OLIG2: variants seen among roughly 807,000 people sequenced by gnomAD.
OLIG2 encodes the protein basic domain, helix-loop-helix protein, class B, 1.
Under a neutral mutation model 13.4 loss-of-function variants are expected in OLIG2, and 12 were observed. The observed-to-expected ratio is 0.90, with a 90% CI of 0.58 to 1.46. The LOEUF (loss-of-function observed/expected upper bound fraction) is 1.46. OLIG2 is among the 40% of genes most tolerant of loss of function. The pLI, the probability that OLIG2 is intolerant of heterozygous loss-of-function variation, is 0.00. For missense variants in OLIG2, 415 were observed against 487.9 expected (o/e 0.85, Z 1.41); for synonymous variants, 250 against 233.6 (o/e 1.07, Z -0.64).
In OLIG2 at chr21:33,027,917, G is replaced by A. The variant is rs1271720899; in HGVS notation, c.*83G>A. ...GGACTGGCCTGCGCTGGGCTCGGGA[G>A]CTCTGTCGCGAGGAGGGGCGCAGGA... On this transcript the variant is annotated 3_prime_UTR_variant, in exon 2 of 2. Transcript: ENST00000382357. 3 of 1,308,458 alleles carry A rather than the reference G, an allele frequency of 2.3e-6. No homozygotes were observed. The highest frequency in any genetic ancestry group is 2.9e-6 in the Non-Finnish European group (3 of 1,022,130). 81.1% of individuals were successfully genotyped at this position (1,308,458 alleles called of 1,614,324 possible).
Position 33,027,892 on chromosome 21 carries a change from G to C in OLIG2, c.*58G>C, listed in dbSNP as rs752233835. On this transcript the variant is annotated 3_prime_UTR_variant, in exon 2 of 2. Transcript: ENST00000382357. ...GGAGCCAGGGGCCGCGGGGAAGCGA[G>C]GACTGGCCTGCGCTGGGCTCGGGAG... The C allele has an allele frequency of 1.6e-3, 2,219 of 1,345,182 alleles. 4 individuals are homozygous for C. The highest frequency in any genetic ancestry group is 1.9e-3 in the Non-Finnish European group (1,992 of 1,051,460). The allele number at this position is 1,345,182 out of a possible 1,614,324, so 83.3% of individuals were successfully genotyped here.
At position 33,027,731 on chromosome 21, in the gene OLIG2, G is replaced by A; in HGVS notation, c.869G>A (p.Gly290Asp). The A allele has an allele frequency of 7.3e-7, 1 of 1,369,364 alleles. No individual in the cohort carries two copies. The highest frequency in any genetic ancestry group is 1.5e-5 in the African/African-American group (1 of 65,344). 84.8% of individuals were successfully genotyped at this position (1,369,364 alleles called of 1,614,324 possible). A position where few individuals can be genotyped will look rare whatever the true frequency, so the allele number is the denominator to read the frequency against. Residue 290 changes from glycine to aspartate, a missense_variant, in exon 2 of 2, where the codon GGC (glycine) becomes GAC (aspartate). This residue lies in a region of OLIG2 where 243 missense variants were observed against 241.2 expected (regional missense o/e 1.01). Coordinates refer to ENST00000382357, the MANE Select transcript of OLIG2 (RefSeq NM_005806.4). Reference sequence around the variant, plus strand: ...AGCGGGGGCTTCCAGCACTGGGGCGGCATGCCCTGCCCCTGCAGCATGTGC... The same window carrying A: ...AGCGGGGGCTTCCAGCACTGGGGCGACATGCCCTGCCCCTGCAGCATGTGC... ...GASGGFQHWG[G>D]MPCPCSMCQV...
Position 33,028,599 on chromosome 21 carries a change from G to A in OLIG2, c.*765G>A, listed in dbSNP as rs77607610. 4.1e-4 allele frequency: 99 copies of A among 240,306 alleles called. No homozygotes were observed. The highest frequency in any genetic ancestry group is 2.0e-3 in the African/African-American group (91 of 44,964). 14.9% of individuals were successfully genotyped at this position (240,306 alleles called of 1,614,324 possible). On this transcript the variant is annotated 3_prime_UTR_variant, in exon 2 of 2. Coordinates refer to ENST00000382357, the MANE Select transcript of OLIG2 (RefSeq NM_005806.4). ...ATAGACATTCAGAGTAGAACCACTT[G>A]TGGATTGGAATAACCCAAAACTGCC...
In OLIG2 at chr21:33,027,840, C is replaced by T; in HGVS notation, c.*6C>T. On this transcript the variant is annotated 3_prime_UTR_variant, in exon 2 of 2. Coordinates refer to ENST00000382357, the MANE Select transcript of OLIG2 (RefSeq NM_005806.4). ...TCACCTCCGACGCCAAGTGAGCCGA[C>T]TGGCGCCGGCGCGTTCTGGCGACAG... The T allele has an allele frequency of 7.2e-7, 1 of 1,384,992 alleles. No homozygotes were observed. The highest frequency in any genetic ancestry group is 9.3e-7 in the Non-Finnish European group (1 of 1,075,918). 85.8% of individuals were successfully genotyped at this position (1,384,992 alleles called of 1,614,324 possible).
chr21:33,027,756 C>T lies in OLIG2; in HGVS notation c.894C>T (p.Cys298=). 7.1e-7 allele frequency: 1 copy of T among 1,407,936 alleles called. No individual in the cohort carries two copies. Among genetic ancestry groups the T allele is most frequent in the East Asian group, 3.1e-5 (1 of 32,666 alleles). The allele number at this position is 1,407,936 out of a possible 1,614,324, so 87.2% of individuals were successfully genotyped here. ...WGGMPCPCSM[C]QVPPPHHHVS... is the part of the protein sequence containing the mutation. ...GCATGCCCTGCCCCTGCAGCATGTG[C>T]CAGGTGCCGCCGCCGCACCACCACG... The change falls in exon 2 of 2, where the codon TGC becomes TGT. Residue 298 remains cysteine (C), a synonymous_variant. Transcript: ENST00000382357.
chr21:33,026,735 T>G lies in OLIG2; in HGVS notation c.-62-66T>G. 1 of 1,222,942 alleles carries G rather than the reference T, an allele frequency of 8.2e-7. No individual in the cohort carries two copies. The highest frequency in any genetic ancestry group is 1.1e-6 in the Non-Finnish European group (1 of 899,742). The allele number at this position is 1,222,942 out of a possible 1,614,324, so 75.8% of individuals were successfully genotyped here. On this transcript the variant is annotated intron_variant, in intron 1 of 1. Coordinates refer to ENST00000382357, the MANE Select transcript of OLIG2 (RefSeq NM_005806.4). The surrounding 1 kb of genome is among the most constrained non-coding windows in gnomAD (Gnocchi z 6.6). ...AGCAGCTTTTCTGTCTCTCACTGAC[T>G]CACTCTCTCTCTCTCTCCCTCTCTC...
Position 33,027,420 on chromosome 21 carries a change from G to T in OLIG2, c.558G>T (p.Pro186=). 6.5e-7 allele frequency: 1 copy of T among 1,542,330 alleles called. No homozygotes were observed. The highest frequency in any genetic ancestry group is 8.7e-7 in the Non-Finnish European group (1 of 1,146,014). ...GGGGCCACCACGCTGGCTTCCACCC[G>T]TCGGCCTGCGGCGGCCTGGCGCACT... ...IYGGHHAGFH[P]SACGGLAHSA... Residue 186 remains proline (P), a synonymous_variant, in exon 2 of 2, where the codon CCG becomes CCT. Coordinates refer to ENST00000382357, the MANE Select transcript of OLIG2 (RefSeq NM_005806.4).
chr21:33,028,237 G>T lies in OLIG2; in HGVS notation c.*403G>T, dbSNP rs535989852. ...CAGACTCGGCTTGGGCAGCACTTCG[G>T]GGGGGGAGGGGGTGTTATGGGAGGG... On this transcript the variant is annotated 3_prime_UTR_variant, in exon 2 of 2. Transcript: ENST00000382357. The T allele has an allele frequency of 1.5e-3, 381 of 248,880 alleles. 1 individual carries two copies. The highest frequency in any genetic ancestry group is 1.2e-3 in the African/African-American group (57 of 45,694). 15.4% of individuals were successfully genotyped at this position (248,880 alleles called of 1,614,324 possible).
chr21:33,026,447 C>A lies in OLIG2; in HGVS notation c.-62-354C>A. 4.8e-6 allele frequency: 1 copy of A among 209,770 alleles called. No individual in the cohort carries two copies. 13.0% of individuals were successfully genotyped at this position (209,770 alleles called of 1,614,324 possible). On this transcript the variant is annotated intron_variant, in intron 1 of 1. Coordinates refer to ENST00000382357, the MANE Select transcript of OLIG2 (RefSeq NM_005806.4). The surrounding 1 kb of genome is among the most constrained non-coding windows in gnomAD (Gnocchi z 6.6). ...TCCCCAAAGAAAGGCCCTCACTTCC[C>A]ACTCGTTTATTCCAGCCCGGGGGCT...
chr21:33,026,751 TCC>T lies in OLIG2; in HGVS notation c.-62-48_-62-47del. 7.0e-6 allele frequency: 9 copies of T among 1,292,872 alleles called. No homozygotes were observed. Among genetic ancestry groups the T allele is most frequent in the Admixed American group, 2.3e-5 (1 of 43,000 alleles). 80.1% of individuals were successfully genotyped at this position (1,292,872 alleles called of 1,614,324 possible). A position where few individuals can be genotyped will look rare whatever the true frequency, so the allele number is the denominator to read the frequency against. ...CTCACTGACTCACTCTCTCTCTCTC[TCC>T]CTCTCTCTCTCTCTCATTCTCTCTC... On this transcript the variant is annotated intron_variant, in intron 1 of 1. Coordinates refer to ENST00000382357, the MANE Select transcript of OLIG2 (RefSeq NM_005806.4). The surrounding 1 kb of genome is among the most constrained non-coding windows in gnomAD (Gnocchi z 6.6).
chr21:33,027,522 C>T lies in OLIG2; in HGVS notation c.660C>T (p.Pro220=). The stretch of plus-strand genomic sequence containing the variant: ...CACATCACCCCGCGGTGCACCACCC[C>T]ATCCTGCCGCCCGCCGCCGCAGCGG... ...HAAHHPAVHH[P]ILPPAAAAAA... is the part of the protein sequence containing the mutation. Residue 220 remains proline (P), a synonymous_variant, in exon 2 of 2, where the codon CCC becomes CCT. Transcript: ENST00000382357. The T allele has an allele frequency of 6.8e-7, 1 of 1,475,160 alleles. No homozygotes were observed. The allele number at this position is 1,475,160 out of a possible 1,614,324, so 91.4% of individuals were successfully genotyped here. A position where few individuals can be genotyped will look rare whatever the true frequency, so the allele number is the denominator to read the frequency against.
In OLIG2 at chr21:33,027,482, C is replaced by A; in HGVS notation, c.620C>A (p.Ala207Glu). Residue 207 changes from alanine to glutamate, a missense_variant, in exon 2 of 2, where the codon GCA (alanine) becomes GAA (glutamate). Coordinates refer to ENST00000382357, the MANE Select transcript of OLIG2 (RefSeq NM_005806.4). Reference protein sequence around the residue: ...PLPAATAHPAAAAHAAHHPAV... With the variant: ...PLPAATAHPAEAAHAAHHPAV... ...CCCGCCGCCACCGCGCACCCGGCAG[C>A]AGCAGCGCACGCCGCACATCACCCC... 1 of 1,480,508 alleles carries A rather than the reference C, an allele frequency of 6.8e-7. No individual in the cohort carries two copies. The allele number at this position is 1,480,508 out of a possible 1,614,324, so 91.7% of individuals were successfully genotyped here. A position where few individuals can be genotyped will look rare whatever the true frequency, so the allele number is the denominator to read the frequency against.
Position 33,027,868 on chromosome 21 carries a change from G to T in OLIG2, c.*34G>T, listed in dbSNP as rs764090183. The T allele has an allele frequency of 2.2e-6, 3 of 1,362,614 alleles. No homozygotes were observed. In the South Asian group the frequency reaches 5.2e-5, roughly 23 times the overall value. The allele number at this position is 1,362,614 out of a possible 1,614,324, so 84.4% of individuals were successfully genotyped here. ...GCGCCGGCGCGTTCTGGCGACAGGGGAGCCAGGGGCCGCGGGGAAGCGAGG... is the reference window on the plus strand; with the variant it reads ...GCGCCGGCGCGTTCTGGCGACAGGGTAGCCAGGGGCCGCGGGGAAGCGAGG... On this transcript the variant is annotated 3_prime_UTR_variant, in exon 2 of 2. Transcript: ENST00000382357.
At position 33,027,043 on chromosome 21, in the gene OLIG2, T is replaced by A. The variant is rs1156885590; in HGVS notation, c.181T>A (p.Ser61Thr). ...CGCCGAGCTGCGCGGCGCTATGGGC[T>A]CTGCGGGCGCGCATCCTGGGGACAA... Reference protein sequence around the residue: ...LSAELRGAMGSAGAHPGDKLG... With the variant: ...LSAELRGAMGTAGAHPGDKLG... Residue 61 changes from serine to threonine, a missense_variant, in exon 2 of 2, where the codon TCT (serine) becomes ACT (threonine). By Grantham distance (58) the Ser-to-Thr change is moderately conservative. Transcript: ENST00000382357. 1.9e-6 allele frequency: 3 copies of A among 1,611,654 alleles called. No individual in the cohort carries two copies. Among genetic ancestry groups the A allele is most frequent in the Non-Finnish European group, 2.5e-6 (3 of 1,179,052 alleles).
rs1444048186 is a variant in OLIG2 at position 33,026,947 on chromosome 21, A to T, written c.85A>T (p.Ser29Cys). Residue 29 changes from serine (S) to cysteine (C), a missense_variant, in exon 2 of 2, where the codon AGC becomes TGC. Ser to Cys is a moderately radical substitution (Grantham distance 112). Around this residue, in one of 3 missense-constraint regions of OLIG2, gnomAD observed 122 missense variants for 126.8 expected, o/e 0.96. Coordinates refer to ENST00000382357, the MANE Select transcript of OLIG2 (RefSeq NM_005806.4). This position sits in a 1 kb window ranked among gnomAD's most constrained non-coding sequence, Gnocchi z 6.6. ...DLFLPARSKG[S>C]SGSAFTGGTV... ...TTTTCTGCCGGCCCGGAGTAAGGGC[A>T]GCAGCGGCAGCGCCTTCACTGGGGG... 4.3e-6 allele frequency: 7 copies of T among 1,612,162 alleles called. No individual in the cohort carries two copies. The highest frequency in any genetic ancestry group is 5.9e-6 in the Non-Finnish European group (7 of 1,179,824).
rs1262082303 is a variant in OLIG2, at chr21:33,026,741, T to A, written c.-62-60T>A. The stretch of plus-strand genomic sequence containing the variant: ...TTTTCTGTCTCTCACTGACTCACTC[T>A]CTCTCTCTCTCCCTCTCTCTCTCTC... On this transcript the variant is annotated intron_variant, in intron 1 of 1. Coordinates refer to ENST00000382357, the MANE Select transcript of OLIG2 (RefSeq NM_005806.4). This position sits in a 1 kb window ranked among gnomAD's most constrained non-coding sequence, Gnocchi z 6.6. 2.4e-6 allele frequency: 3 copies of A among 1,271,654 alleles called. No individual in the cohort carries two copies. The highest frequency in any genetic ancestry group is 1.5e-5 in the African/African-American group (1 of 66,512). The allele number at this position is 1,271,654 out of a possible 1,614,324, so 78.8% of individuals were successfully genotyped here. A position where few individuals can be genotyped will look rare whatever the true frequency, so the allele number is the denominator to read the frequency against.
Position 33,027,573 on chromosome 21 carries a change from T to C in OLIG2, c.711T>C (p.Ala237=). ...AAAAAAAAAA[A]VSSASLPGSG... is the part of the protein sequence containing the mutation. ...CTGCTGCCGCCGCTGCAGCCGCGGC[T>C]GTGTCCAGCGCCTCTCTGCCCGGAT... The change falls in exon 2 of 2, where the codon GCT becomes GCC. Residue 237 remains alanine (A), a synonymous_variant. Transcript: ENST00000382357. The C allele has an allele frequency of 6.8e-7, 1 of 1,478,116 alleles. No individual in the cohort carries two copies. 91.6% of individuals were successfully genotyped at this position (1,478,116 alleles called of 1,614,324 possible). A position where few individuals can be genotyped will look rare whatever the true frequency, so the allele number is the denominator to read the frequency against.
At position 33,027,608 on chromosome 21, in the gene OLIG2, C is replaced by A. The variant is rs970414156; in HGVS notation, c.746C>A (p.Pro249Gln). The A allele has an allele frequency of 1.8e-5, 27 of 1,476,956 alleles. No homozygotes were observed. Among genetic ancestry groups the A allele is most frequent in the Non-Finnish European group, 2.4e-5 (27 of 1,119,992 alleles). 91.5% of individuals were successfully genotyped at this position (1,476,956 alleles called of 1,614,324 possible). The change falls in exon 2 of 2, where the codon CCG (proline) becomes CAG (glutamine). Residue 249 changes from proline to glutamine, a missense_variant. By Grantham distance (76) the Pro-to-Gln change is moderately conservative (BLOSUM62 -1). Around this residue, in one of 3 missense-constraint regions of OLIG2, gnomAD observed 243 missense variants for 241.2 expected, o/e 1.01. Transcript: ENST00000382357. ...SSASLPGSGLPSVGSIRPPHG... is the reference protein window; with the variant it reads ...SSASLPGSGLQSVGSIRPPHG... ...GCCTCTCTGCCCGGATCCGGGCTGC[C>A]GTCGGTCGGCTCCATCCGTCCACCG...
Position 33,027,823 on chromosome 21 carries a change from G to A in OLIG2, c.961G>A (p.Asp321Asn). Residue 321 changes from aspartate (D) to asparagine (N), a missense_variant, in exon 2 of 2, where the codon GAC becomes AAC. Asp to Asn is a conservative substitution (Grantham distance 23). Coordinates refer to ENST00000382357, the MANE Select transcript of OLIG2 (RefSeq NM_005806.4). ...GAGSLPRLTS[D>N]AK ...CGGCAGCCTGCCGCGCCTCACCTCC[G>A]ACGCCAAGTGAGCCGACTGGCGCCG... The A allele has an allele frequency of 1.4e-6, 2 of 1,412,564 alleles. No individual in the cohort carries two copies. The highest frequency in any genetic ancestry group is 1.8e-6 in the Non-Finnish European group (2 of 1,091,718). 87.5% of individuals were successfully genotyped at this position (1,412,564 alleles called of 1,614,324 possible). A position where few individuals can be genotyped will look rare whatever the true frequency, so the allele number is the denominator to read the frequency against.
Sources: gnomAD v4.1 joint callset for allele counts on GRCh38, gnomAD v4.1.1 for gene constraint, gnomAD v4.1.1 regional missense constraint, Gnocchi (gnomAD v3.1) non-coding constraint, MANE v1.5 for transcripts, NCBI Gene and HGNC (gene_info 2026-07-23, HGNC 2026-07-21) for gene names.